The following CMSS1 variants were observed in gnomAD, a reference collection of about 807,000 sequenced individuals.
CMSS1 encodes the protein cms1 ribosomal small subunit homolog, also known as protein CMSS1.
CMSS1 carries 33 observed loss-of-function variants against 43.5 expected under a neutral mutation model. The ratio of observed to expected loss-of-function variants is 0.76; its 90% confidence interval spans 0.57 to 1.01. The LOEUF is 1.01. CMSS1 is among the 50% of genes least tolerant of loss of function. The pLI, the probability that CMSS1 is intolerant of heterozygous loss-of-function variation, is 0.00. For missense variants in CMSS1, 313 were observed against 326.4 expected, an observed-to-expected ratio of 0.96 and a Z score of 0.32; for synonymous variants, 115 against 117.2, an observed-to-expected ratio of 0.98 and a Z score of 0.12.
chr3:99,834,458 A>C (rs1942814358), intron 1 of CMSS1, among the ~76,000 whole-genome samples: 1 of 152,240 alleles, frequency 6.6e-6, no homozygotes, highest in Admixed American at 6.5e-5. Context: ...CAGTGGGGGC[A>C]ATCCAAGAAT....
At chr3:99,949,673 A>G (rs1708118916) in intron 1 of CMSS1, among the ~76,000 whole-genome samples, 1 of 152,242 alleles carries the variant, frequency 6.6e-6, no homozygotes, top group Non-Finnish European at 1.5e-5. Flanking sequence ...TTTCCTAATC[A>G]GAAAGGTACA....
chr3:99,830,823 T>G (rs1377394121), intron 1 of CMSS1, among the ~76,000 whole-genome samples: 3 of 152,134 alleles, frequency 2.0e-5, no homozygotes, highest in Non-Finnish European at 4.4e-5. Context: ...TTGATAGAGA[T>G]AGTGGTAGAT....
chr3:99,930,883 T>C (rs1473237765), intron 1 of CMSS1: 1 of 1,613,250 alleles, frequency 6.2e-7, no homozygotes, highest in Admixed American at 1.7e-5. Flanking sequence ...ACGGAAGTAT[T>C]ACATCCGACT....
At chr3:99,837,993 C>G (rs921523988) in intron 1 of CMSS1, among the ~76,000 whole-genome samples, 1 of 152,222 alleles carries the variant, frequency 6.6e-6, no homozygotes, top group African/African-American at 2.4e-5. Context: ...TTCCGTGAAT[C>G]ATTTTCACTC....
At chr3:99,920,203 T>C (rs1707081621) in intron 1 of CMSS1, among the ~76,000 whole-genome samples, 2 of 152,188 alleles carry the variant, frequency 1.3e-5, no homozygotes, top group Non-Finnish European at 2.9e-5. Context: ...ATGGATAGCA[T>C]ACATAGTTTG....
At chr3:99,974,629 C>A (rs1051681506) in intron 1 of CMSS1, among the ~76,000 whole-genome samples, 6 of 151,988 alleles carry the variant, frequency 3.9e-5, no homozygotes, top group African/African-American at 1.4e-4. Context: ...ATCACTTGAA[C>A]CCAGGAGGCG....
chr3:100,063,555 A>G (rs2065610746), intron 1 of CMSS1, among the ~76,000 whole-genome samples: 1 of 152,214 alleles, frequency 6.6e-6, no homozygotes, highest in Non-Finnish European at 1.5e-5. Flanking sequence ...CCCACCCTGC[A>G]TAATTAGCAA....
At chr3:99,850,943 C>G in intron 1 of CMSS1, 1 of 1,614,198 alleles carries the variant, frequency 6.2e-7, no homozygotes, top group Non-Finnish European at 8.5e-7. Context: ...CTTTGCTGTT[C>G]ATCCACCACC....
chr3:100,162,862 C>T (rs980221912), intron 4 of CMSS1, among the ~76,000 whole-genome samples: 13 of 152,094 alleles, frequency 8.5e-5, no homozygotes, highest in African/African-American at 2.4e-4. Context: ...GTAATCCCAC[C>T]TACTTGGGAG....
At chr3:100,057,011 A>G (rs1212279214) in intron 1 of CMSS1, among the ~76,000 whole-genome samples, 1 of 151,944 alleles carries the variant, frequency 6.6e-6, no homozygotes, top group Non-Finnish European at 1.5e-5. Flanking sequence ...CTCAAAAAAA[A>G]AAGAATTGGG....
chr3:100,069,129 C>T (rs1246075741), intron 1 of CMSS1, among the ~76,000 whole-genome samples: 2 of 152,140 alleles, frequency 1.3e-5, no homozygotes, highest in African/African-American at 2.4e-5. Context: ...AGTTTCATGT[C>T]TTCTGTAAGG....
At chr3:100,123,699 A>G (rs1018758687) in intron 1 of CMSS1, among the ~76,000 whole-genome samples, 3 of 152,174 alleles carry the variant, frequency 2.0e-5, no homozygotes, top group African/African-American at 7.2e-5. Flanking sequence ...CTCTTCCTCT[A>G]AAGGCCAAAA....
At chr3:100,049,582 A>G (rs1575989143) in intron 1 of CMSS1, among the ~76,000 whole-genome samples, 2 of 152,208 alleles carry the variant, frequency 1.3e-5, no homozygotes, top group East Asian at 3.9e-4. Context: ...GATAATAGTG[A>G]GAAACAGAAA....
intron 1 of CMSS1, among the ~76,000 whole-genome samples, chr3:99,843,901 C>T (rs1428302466): frequency 1.3e-5 from 2 of 152,204 alleles, no homozygotes; most frequent in Admixed American, 6.5e-5. Flanking sequence ...GTGAACTGCA[C>T]ATGCGAGGGG....
At position 99,922,103 on chromosome 3, in the gene CMSS1, C is replaced by T. The variant is rs114591436; in HGVS notation, c.64+104060C>T. On this transcript the variant is annotated intron_variant, in intron 1 of 9. Coordinates refer to ENST00000421999, the MANE Select transcript of CMSS1 (RefSeq NM_032359.4). ...GCCTTTTCATTAATGTGGTAAGCCC[C>T]CTGGGCAGGGACAGTCTGTACCTCT... Among the ~76,000 whole-genome samples the T allele has an allele frequency of 5.0e-3, 767 of 152,280 alleles. 6 individuals are homozygous for T. The highest frequency in any genetic ancestry group is 0.017 in the African/African-American group (722 of 41,548).
chr3:99,820,260 G>A (rs914390743), intron 1 of CMSS1, among the ~76,000 whole-genome samples: 4 of 150,410 alleles, frequency 2.7e-5, no homozygotes, highest in Admixed American at 2.0e-4. Flanking sequence ...ACAGTGGTGC[G>A]ATCTCAGTTC....
chr3:99,857,408 T>C (rs1944019041), intron 1 of CMSS1, among the ~76,000 whole-genome samples: 1 of 152,224 alleles, frequency 6.6e-6, no homozygotes, highest in Admixed American at 6.5e-5. Context: ...CAGGGTTAGG[T>C]GGTAAACGTC....
chr3:99,987,639 A>G (rs150639981), intron 1 of CMSS1, among the ~76,000 whole-genome samples: 90 of 152,274 alleles, frequency 5.9e-4, no homozygotes, highest in Admixed American at 1.8e-3. Context: ...AGAAAGCCAC[A>G]TGTCTGACAA....
At chr3:100,014,891 C>CTTTTT (rs1710284139) in intron 1 of CMSS1, among the ~76,000 whole-genome samples, 15 of 27,220 alleles carry the variant, frequency 5.5e-4, no homozygotes, top group South Asian at 1.5e-3. Flanking sequence ...TTTTTTCTTT[C>CTTTTT]TTTCTTTTTT....
Sources: gnomAD v4.1 joint callset for allele counts (sites outside exome capture counted in the v4.1 genomes callset) on GRCh38, gnomAD v4.1.1 for gene constraint, MANE v1.5 for transcripts, NCBI Gene and HGNC (gene_info 2026-07-23, HGNC 2026-07-21) for gene names.